Variants in SYT9 observed in about 807,000 individuals in gnomAD.
The protein encoded by SYT9 is synaptotagmin 9.
A neutral mutation model predicts 48.4 loss-of-function variants in SYT9; 22 were observed. That is an observed-to-expected ratio of 0.45 (90% CI 0.32 to 0.65). SYT9 has a LOEUF of 0.65. Among genes scored for constraint, SYT9 ranks in the 30% least tolerant of loss-of-function variants. SYT9 has a pLI of 0.03. For missense variants in SYT9, 577 were observed against 622.0 expected (o/e 0.93, Z 0.77); for synonymous variants, 265 against 245.0 (o/e 1.08, Z -0.76).
At chr11:7,275,842 CCT>C (rs1242580932) in intron 1 of SYT9, among the ~76,000 whole-genome samples, 1 of 152,156 alleles carries the variant, frequency 6.6e-6, no homozygotes, top group African/African-American at 2.4e-5. Context: ...CTTCATTTAT[CCT>C]CTCTGTTCAG....
intron 6 of SYT9, among the ~76,000 whole-genome samples, chr11:7,430,062 G>T (rs1413801567): frequency 6.7e-6 from 1 of 148,942 alleles, no homozygotes; most frequent in Non-Finnish European, 1.5e-5. Context: ...GTGATGTACT[G>T]CAATTCATTT....
rs982134481 is a variant in SYT9 at position 7,314,710 on chromosome 11, A to G, written c.1044+769A>G. Among the ~76,000 whole-genome samples the G allele has an allele frequency of 3.3e-5, 5 of 152,338 alleles. No individual in the cohort carries two copies. The South Asian group carries it at 1.0e-3, about 32-fold the overall frequency. ...CCAGAAATAGAAAGGAAAATTGAAC[A>G]TTCTTAGGTAACTCTGATATTTTAA... On this transcript the variant is annotated intron_variant, in intron 3 of 6. Transcript: ENST00000318881.
intron 3 of SYT9, among the ~76,000 whole-genome samples, chr11:7,414,450 A>C (rs949106335): frequency 6.6e-6 from 1 of 152,224 alleles, no homozygotes; most frequent in Admixed American, 6.5e-5. Context: ...GGCTGGGTCA[A>C]TCCTTCCCTC....
intron 6 of SYT9, among the ~76,000 whole-genome samples, chr11:7,464,758 C>A (rs542222584): frequency 6.6e-6 from 1 of 152,016 alleles, no homozygotes; most frequent in African/African-American, 2.4e-5. Flanking sequence ...TAGGGAACCA[C>A]GGGCCTGATG....
chr11:7,397,336 A>C (rs1041016753), intron 3 of SYT9, among the ~76,000 whole-genome samples: 3 of 152,150 alleles, frequency 2.0e-5, no homozygotes, highest in Non-Finnish European at 2.9e-5. Context: ...TGACCATATA[A>C]ATGAGGGTTT....
intron 6 of SYT9, chr11:7,454,237 C>T (rs1848109008): frequency 2.0e-6 from 2 of 985,372 alleles, no homozygotes; most frequent in South Asian, 4.7e-5. Flanking sequence ...TCTCTCTAGC[C>T]CTTAGTTGAT....
At chr11:7,446,013 A>T (rs1216422019) in intron 6 of SYT9, among the ~76,000 whole-genome samples, 1 of 152,264 alleles carries the variant, frequency 6.6e-6, no homozygotes, top group Non-Finnish European at 1.5e-5. Context: ...ACTGGTCACA[A>T]GGCTGGCTTT....
intron 6 of SYT9, among the ~76,000 whole-genome samples, chr11:7,434,237 G>A (rs2134124245): frequency 6.6e-6 from 1 of 152,296 alleles, no homozygotes; most frequent in South Asian, 2.1e-4. Flanking sequence ...AAATGTCTGG[G>A]CTGGGTAGTC....
At chr11:7,466,729 A>AG (rs1233509382) in intron 6 of SYT9, 63 bp from the exon 7 acceptor site, 95 of 1,563,926 alleles carry the variant, frequency 6.1e-5, no homozygotes, top group Non-Finnish European at 7.4e-5. Context: ...TCAAAAAAAA[A>AG]AAAAAAAGAA....
At chr11:7,263,208 C>T (rs1405073076) in intron 1 of SYT9, among the ~76,000 whole-genome samples, 1 of 152,180 alleles carries the variant, frequency 6.6e-6, no homozygotes, top group Non-Finnish European at 1.5e-5. Context: ...GAACAACAGA[C>T]ATTTATTTCT....
At chr11:7,356,726 AG>A (rs1010703776) in intron 3 of SYT9, among the ~76,000 whole-genome samples, 6 of 152,220 alleles carry the variant, frequency 3.9e-5, no homozygotes, top group Admixed American at 2.6e-4. Context: ...CAGTAATAGA[AG>A]CTTCACTTAC....
At chr11:7,320,384 T>G (rs1377371740) in intron 3 of SYT9, among the ~76,000 whole-genome samples, 1 of 152,196 alleles carries the variant, frequency 6.6e-6, no homozygotes, top group African/African-American at 2.4e-5. Flanking sequence ...CCTGGACTAG[T>G]GTAGGTTTTT....
At chr11:7,291,934 A>G (rs1382325497) in intron 1 of SYT9, among the ~76,000 whole-genome samples, 3 of 152,178 alleles carry the variant, frequency 2.0e-5, no homozygotes, top group African/African-American at 7.2e-5. Context: ...AAACATCCCA[A>G]TATTGCACCA....
At chr11:7,285,293 G>A (rs1009211972) in intron 1 of SYT9, among the ~76,000 whole-genome samples, 1 of 152,176 alleles carries the variant, frequency 6.6e-6, no homozygotes. Context: ...TACAATCATG[G>A]CAGAAAGGGA....
intron 3 of SYT9, among the ~76,000 whole-genome samples, chr11:7,318,440 A>T (rs975328365): frequency 6.6e-6 from 1 of 151,680 alleles, no homozygotes; most frequent in Non-Finnish European, 1.5e-5. Flanking sequence ...CGGCCTCCTG[A>T]GTAGCTGGAA....
chr11:7,260,025 C>G (rs1381466841), intron 1 of SYT9, among the ~76,000 whole-genome samples: 1 of 152,144 alleles, frequency 6.6e-6, no homozygotes, highest in Non-Finnish European at 1.5e-5. Flanking sequence ...ACCTACCCCA[C>G]CCTACCCTTG....
Position 7,313,674 on chromosome 11 carries a change from T to C in SYT9, c.777T>C (p.Tyr259=), listed in dbSNP as rs775161670. 8 of 1,614,238 alleles carry C rather than the reference T, an allele frequency of 5.0e-6. No homozygotes were observed. Among genetic ancestry groups the C allele is most frequent in the Non-Finnish European group, 6.8e-6 (8 of 1,180,022 alleles). The stretch of plus-strand genomic sequence containing the variant: ...ACTTTTCTGGGACTTCAGATCCTTA[T>C]GTCAAGATCTATTTGCTTCCTGATC... ...AKDFSGTSDP[Y]VKIYLLPDRK... Residue 259 remains tyrosine (Y), a synonymous_variant, in exon 3 of 7, where the codon TAT becomes TAC. Transcript: ENST00000318881.
chr11:7,420,763 C>G, intron 6 of SYT9, 128 bp downstream of exon 6: 1 of 1,192,020 alleles, frequency 8.4e-7, no homozygotes, highest in Non-Finnish European at 1.2e-6. Flanking sequence ...GGTTGCATTT[C>G]CTGGGGCTGT....
chr11:7,265,046 A>C (rs561509554), intron 1 of SYT9, among the ~76,000 whole-genome samples: 9 of 152,170 alleles, frequency 5.9e-5, no homozygotes, highest in Non-Finnish European at 1.3e-4. Context: ...TTGAAGGAAT[A>C]TTTTAAGTCA....
Sources: gnomAD v4.1 joint callset for allele counts (sites outside exome capture counted in the v4.1 genomes callset) on GRCh38, gnomAD v4.1.1 for gene constraint, MANE v1.5 for transcripts, NCBI Gene and HGNC (gene_info 2026-07-23, HGNC 2026-07-21) for gene names.